ARHGAP19: variants seen among roughly 807,000 people sequenced by gnomAD.
ARHGAP19 encodes Rho GTPase activating protein 19.
ARHGAP19 carries 48 observed loss-of-function variants against 60.9 expected under a neutral mutation model. The ratio of observed to expected loss-of-function variants is 0.79; its 90% CI spans 0.62 to 1.00. The LOEUF is 1.00. ARHGAP19 is among the 50% of genes least tolerant of loss of function. The pLI is 0.00. For missense variants in ARHGAP19, 562 were observed against 597.2 expected (o/e 0.94, Z 0.61); for synonymous variants, 209 against 215.5 (o/e 0.97, Z 0.27).
chr10:97,237,795 T>C (rs1842405224), intron 8 of ARHGAP19, among the ~76,000 whole-genome samples: 2 of 151,508 alleles, frequency 1.3e-5, no homozygotes, highest in South Asian at 2.1e-4. Context: ...CGCTTGAACC[T>C]GGGAGGCAGA....
chr10:97,229,699 A>G, intron 10 of ARHGAP19, 65 bp downstream of exon 10: 2 of 1,215,382 alleles, frequency 1.6e-6, no homozygotes, highest in Non-Finnish European at 2.4e-6. Context: ...ATGACAGTAT[A>G]TCAATTTTCC....
intron 1 of ARHGAP19, 53 bp from the exon 2 acceptor site, chr10:97,266,178 T>C: frequency 6.3e-7 from 1 of 1,596,304 alleles, no homozygotes; most frequent in Non-Finnish European, 8.5e-7. Context: ...ATGTTTCTTA[T>C]GCACTACTCA....
At chr10:97,270,992 C>T (rs1842953213) in intron 1 of ARHGAP19, among the ~76,000 whole-genome samples, 1 of 151,852 alleles carries the variant, frequency 6.6e-6, no homozygotes, top group African/African-American at 2.4e-5. Flanking sequence ...ACATCACAGA[C>T]AAAAAATAAA....
chr10:97,236,004 T>C (rs1440476279), intron 8 of ARHGAP19, among the ~76,000 whole-genome samples: 1 of 152,116 alleles, frequency 6.6e-6, no homozygotes, highest in Admixed American at 6.6e-5. Context: ...GGAGACAGAG[T>C]CTCACTCTGT....
chr10:97,259,987 C>T (rs888455834), intron 4 of ARHGAP19, among the ~76,000 whole-genome samples: 2 of 151,882 alleles, frequency 1.3e-5, no homozygotes, highest in African/African-American at 4.8e-5. Context: ...AGGCACCCGC[C>T]ACCACGCCCG....
At chr10:97,288,608 A>C (rs11189102) in intron 1 of ARHGAP19, among the ~76,000 whole-genome samples, 11,801 of 151,404 alleles carry the variant, frequency 0.078, 910 homozygotes, top group African/African-American at 0.2. Context: ...AGAACAACAA[A>C]AAAAAAAGAT....
rs752655720 is a variant in ARHGAP19 at position 97,229,165 on chromosome 10, T to C, written c.1456A>G (p.Lys486Glu). ...TPTRLKWSEG[K>E]KEGKKGFL ...TTAGTACCTTTTTTCCCCTCTTTCT[T>C]CCCTTCAGACCACTTCAATCTTGTT... is the stretch of plus-strand genomic sequence containing the variant. Residue 486 changes from lysine (K) to glutamate (E), a missense_variant, in exon 11 of 12, where the codon AAG becomes GAG. Physicochemically the swap from Lys to Glu is moderately conservative, Grantham distance 56. Coordinates refer to ENST00000358531, the MANE Select transcript of ARHGAP19 (RefSeq NM_032900.6). 3 of 1,614,078 alleles carry C rather than the reference T, an allele frequency of 1.9e-6. No individual in the cohort carries two copies. Among genetic ancestry groups the C allele is most frequent in the Non-Finnish European group, 2.5e-6 (3 of 1,179,934 alleles).
chr10:97,240,879 A>G (rs1385223777), intron 8 of ARHGAP19, among the ~76,000 whole-genome samples: 1 of 152,232 alleles, frequency 6.6e-6, no homozygotes, highest in Non-Finnish European at 1.5e-5. Context: ...CTAAAATGTT[A>G]TCAGTGGTTA....
chr10:97,225,611 T>C lies in ARHGAP19; in HGVS notation c.*511A>G, dbSNP rs531272127. 1 of 152,460 alleles carries C rather than the reference T, an allele frequency of 6.6e-6. No individual in the cohort carries two copies. The highest frequency in any genetic ancestry group is 1.5e-5 in the Non-Finnish European group (1 of 68,172). 9.4% of individuals were successfully genotyped at this position (152,460 alleles called of 1,614,324 possible). A position where few individuals can be genotyped will look rare whatever the true frequency, so the allele number is the denominator to read the frequency against. ...TCAAAGTGAAAAAGAGGGAAAGATATCTAGCTTAGAGCCCAACCAAAAACA... is the reference window on the plus strand; with the variant it reads ...TCAAAGTGAAAAAGAGGGAAAGATACCTAGCTTAGAGCCCAACCAAAAACA... On this transcript the variant is annotated 3_prime_UTR_variant, in exon 12 of 12. Transcript: ENST00000358531.
chr10:97,240,415 C>G (rs960831600), intron 8 of ARHGAP19, among the ~76,000 whole-genome samples: 50 of 152,242 alleles, frequency 3.3e-4, no homozygotes, highest in African/African-American at 1.1e-3. Flanking sequence ...ACTTTGGGAG[C>G]CCAAGGCAGG....
intron 3 of ARHGAP19, 137 bp from the exon 4 acceptor site, chr10:97,263,766 AC>A: frequency 2.5e-6 from 2 of 794,172 alleles, no homozygotes; most frequent in Non-Finnish European, 4.0e-6. Flanking sequence ...GCCTTTTTTC[AC>A]CAGGGTAGTT....
intron 6 of ARHGAP19, among the ~76,000 whole-genome samples, chr10:97,250,881 C>G (rs1842634737): frequency 6.6e-6 from 1 of 151,800 alleles, no homozygotes; most frequent in South Asian, 2.1e-4. Flanking sequence ...GCCTGGGCAA[C>G]ATGGTAGTAC....
At chr10:97,227,767 G>A (rs1850925050) in intron 11 of ARHGAP19, among the ~76,000 whole-genome samples, 2 of 152,150 alleles carry the variant, frequency 1.3e-5, no homozygotes, top group Non-Finnish European at 2.9e-5. Context: ...ACAAAAGATT[G>A]CATCAACAAT....
chr10:97,281,368 G>A (rs1251330550), intron 1 of ARHGAP19, among the ~76,000 whole-genome samples: 2 of 152,102 alleles, frequency 1.3e-5, no homozygotes, highest in Admixed American at 6.6e-5. Flanking sequence ...GCCCCTGCAC[G>A]CCAGCCTGAG....
intron 9 of ARHGAP19, among the ~76,000 whole-genome samples, chr10:97,231,730 T>C (rs1218102549): frequency 6.6e-6 from 1 of 152,248 alleles, no homozygotes; most frequent in Non-Finnish European, 1.5e-5. Flanking sequence ...GGGTTGCTTC[T>C]GCCTTTTGGC....
intron 6 of ARHGAP19, 60 bp downstream of exon 6, chr10:97,256,258 G>T: frequency 7.6e-7 from 1 of 1,314,024 alleles, no homozygotes; most frequent in Non-Finnish European, 1.1e-6. Context: ...CCCCACTTAG[G>T]ATCCCACCTT....
At position 97,229,130 on chromosome 10, in the gene ARHGAP19, G is replaced by A. The variant is rs201485424; in HGVS notation, c.1474+17C>T. 640 of 1,601,700 alleles carry A rather than the reference G, an allele frequency of 4.0e-4. 2 individuals carry two copies. Among genetic ancestry groups the A allele is most frequent in the Middle Eastern group, 6.6e-4 (4 of 6,072 alleles). ...GAATTACATTTAGTAAGAACAGAGAGTAAGTACAATTAGTACCTTTTTTCC... is the reference window on the plus strand; with the variant it reads ...GAATTACATTTAGTAAGAACAGAGAATAAGTACAATTAGTACCTTTTTTCC... On this transcript the variant is annotated intron_variant, in intron 11 of 11. Coordinates refer to ENST00000358531, the MANE Select transcript of ARHGAP19 (RefSeq NM_032900.6).
chr10:97,229,130 G>GT lies in ARHGAP19; in HGVS notation c.1474+16dup. ...GAATTACATTTAGTAAGAACAGAGA[G>GT]TAAGTACAATTAGTACCTTTTTTCC... is the stretch of plus-strand genomic sequence containing the variant. On this transcript the variant is annotated intron_variant, in intron 11 of 11. Transcript: ENST00000358531. 1 of 1,601,824 alleles carries GT rather than the reference G, an allele frequency of 6.2e-7. No homozygotes were observed. The highest frequency in any genetic ancestry group is 1.1e-5 in the South Asian group (1 of 90,834).
intron 8 of ARHGAP19, among the ~76,000 whole-genome samples, chr10:97,240,600 G>A (rs931934498): frequency 2.0e-5 from 3 of 152,228 alleles, no homozygotes; most frequent in East Asian, 1.9e-4. Flanking sequence ...GCAGTCAGGC[G>A]AGATCACGCC....
Sources: allele counts gnomAD v4.1 joint callset (sites outside exome capture counted in the v4.1 genomes callset), GRCh38; gene constraint gnomAD v4.1.1; transcripts MANE v1.5; gene names NCBI Gene and HGNC (gene_info 2026-07-23, HGNC 2026-07-21).